Variants in TMOD1 observed in about 807,000 individuals in gnomAD.
The protein encoded by TMOD1 is tropomodulin 1.
Under a neutral mutation model 40.6 loss-of-function variants are expected in TMOD1, and 17 were observed. The observed-to-expected ratio is 0.42, with a 90% CI of 0.29 to 0.63. The LOEUF is 0.63. Ranked by LOEUF, TMOD1 falls within the 20% of genes least tolerant of loss-of-function variation. The pLI is 0.22. For missense variants in TMOD1, 391 were observed against 447.6 expected (o/e 0.87, Z 1.14); for synonymous variants, 181 against 175.0 (o/e 1.03, Z -0.27).
intron 2 of TMOD1, among the ~76,000 whole-genome samples, chr9:97,531,033 A>ACCCCCCCCCCCCCCCCCCCCC (rs202030181): frequency 5.1e-5 from 4 of 78,256 alleles, no homozygotes; most frequent in South Asian, 4.6e-4. Flanking sequence ...GGTGATCCAC[A>ACCCCCCCCCCCCCCCCCCCCC]CCCACCCCCC....
chr9:97,529,577 TG>T (rs1404355414), intron 2 of TMOD1, among the ~76,000 whole-genome samples: 1 of 152,018 alleles, frequency 6.6e-6, no homozygotes, highest in African/African-American at 2.4e-5. Context: ...TCTCTCTCTC[TG>T]GAAAAACTCG....
chr9:97,522,110 T>A (rs1020182140), intron 1 of TMOD1, among the ~76,000 whole-genome samples: 1 of 152,200 alleles, frequency 6.6e-6, no homozygotes, highest in African/African-American at 2.4e-5. Context: ...ATCTGTTACA[T>A]AAGTTTGCCT....
At chr9:97,596,662 G>A (rs887898551) in intron 9 of TMOD1, among the ~76,000 whole-genome samples, 8 of 152,164 alleles carry the variant, frequency 5.3e-5, no homozygotes, top group Admixed American at 4.6e-4. Context: ...TCAGGAGGTC[G>A]TCTCTTGACA....
intron 4 of TMOD1, chr9:97,555,423 C>T: frequency 7.2e-7 from 1 of 1,388,546 alleles, no homozygotes; most frequent in Non-Finnish European, 9.3e-7. Flanking sequence ...ACTGCCGGCG[C>T]CTGCGGTTCC....
rs745764783 is a variant in TMOD1, at chr9:97,564,187, A to T, written c.618+19A>T. 2 of 1,570,038 alleles carry T rather than the reference A, an allele frequency of 1.3e-6. No homozygotes were observed. The highest frequency in any genetic ancestry group is 1.7e-6 in the Non-Finnish European group (2 of 1,156,664). On this transcript the variant is annotated intron_variant, in intron 6 of 9. Transcript: ENST00000259365. Reference sequence around the variant, plus strand: ...TATCCGGGTAAGGTCCATTTATTTCACTTTACCTGTGTGTGGCTGGGGGAG... The same window carrying T: ...TATCCGGGTAAGGTCCATTTATTTCTCTTTACCTGTGTGTGGCTGGGGGAG...
chr9:97,589,726 C>T (rs1307386544), intron 8 of TMOD1, among the ~76,000 whole-genome samples: 1 of 152,110 alleles, frequency 6.6e-6, no homozygotes, highest in Non-Finnish European at 1.5e-5. Context: ...ATTATCCTGT[C>T]TAGACCCCCC....
chr9:97,563,593 C>T (rs889733394), intron 5 of TMOD1, among the ~76,000 whole-genome samples: 3 of 152,156 alleles, frequency 2.0e-5, no homozygotes, highest in African/African-American at 7.2e-5. Flanking sequence ...GCCTTAATTA[C>T]TCCACTGCAT....
intron 1 of TMOD1, among the ~76,000 whole-genome samples, chr9:97,522,345 T>C (rs534881650): frequency 4.6e-5 from 7 of 152,282 alleles, no homozygotes; most frequent in Admixed American, 1.3e-4. Flanking sequence ...TAGTGTGCTA[T>C]ATCTGTGTCC....
intron 4 of TMOD1, chr9:97,555,588 C>T (rs924104757): frequency 1.3e-6 from 2 of 1,547,914 alleles, no homozygotes; most frequent in East Asian, 2.4e-5. Context: ...TGTAAGTCTA[C>T]ACCAGTGTTA....
At chr9:97,571,603 T>A (rs1203400891) in intron 8 of TMOD1, among the ~76,000 whole-genome samples, 1 of 152,224 alleles carries the variant, frequency 6.6e-6, no homozygotes, top group Non-Finnish European at 1.5e-5. Flanking sequence ...TCACAAAGAC[T>A]CTGTAAGTGG....
At chr9:97,577,822 A>G (rs911452797) in intron 8 of TMOD1, among the ~76,000 whole-genome samples, 12 of 152,250 alleles carry the variant, frequency 7.9e-5, no homozygotes, top group Non-Finnish European at 1.5e-4. Flanking sequence ...AGTTTTCCTT[A>G]GATTGACAGG....
intron 5 of TMOD1, among the ~76,000 whole-genome samples, chr9:97,563,502 T>G (rs1243527538): frequency 6.6e-6 from 1 of 152,218 alleles, no homozygotes; most frequent in Non-Finnish European, 1.5e-5. Context: ...GGGCCTGCCT[T>G]TATCATCCAC....
At chr9:97,514,831 G>C (rs2131212915) in intron 1 of TMOD1, among the ~76,000 whole-genome samples, 1 of 152,370 alleles carries the variant, frequency 6.6e-6, no homozygotes, top group Middle Eastern at 3.4e-3. Context: ...GCCAGGACCA[G>C]GCCACTCACT....
intron 1 of TMOD1, among the ~76,000 whole-genome samples, chr9:97,518,016 T>A (rs1829844101): frequency 6.6e-6 from 1 of 152,064 alleles, no homozygotes; most frequent in Non-Finnish European, 1.5e-5. Flanking sequence ...CCCATTCTCA[T>A]CCCCCATCGC....
chr9:97,596,969 CTG>C (rs1484369969), intron 9 of TMOD1, among the ~76,000 whole-genome samples: 7 of 152,230 alleles, frequency 4.6e-5, no homozygotes, highest in Admixed American at 2.0e-4. Context: ...TCCTGTTATA[CTG>C]TGTCTTTACT....
At chr9:97,559,823 A>ATATATATATG (rs1830607598) in intron 4 of TMOD1, among the ~76,000 whole-genome samples, 1 of 63,290 alleles carries the variant, frequency 1.6e-5, no homozygotes, top group African/African-American at 6.2e-5. Flanking sequence ...ATATATATAT[A>ATATATATATG]TGTCTATCTA....
At chr9:97,591,461 T>G (rs1825999556) in intron 9 of TMOD1, 26 bp downstream of exon 9, 1 of 1,610,214 alleles carries the variant, frequency 6.2e-7, no homozygotes, top group Non-Finnish European at 8.5e-7. Flanking sequence ...CTTCCTGCCC[T>G]GCCCGCAGTC....
chr9:97,510,789 T>C (rs1829684018), intron 1 of TMOD1, among the ~76,000 whole-genome samples: 1 of 152,058 alleles, frequency 6.6e-6, no homozygotes, highest in African/African-American at 2.4e-5. Flanking sequence ...TGTACTACAA[T>C]CGTTAGCTTC....
chr9:97,587,730 T>C, intron 8 of TMOD1, among the ~76,000 whole-genome samples: 1 of 152,190 alleles, frequency 6.6e-6, no homozygotes, highest in South Asian at 2.1e-4. Flanking sequence ...AGAAACTCTG[T>C]ACCCATTAGC....
Sources: gnomAD v4.1 joint callset for allele counts (sites outside exome capture counted in the v4.1 genomes callset) on GRCh38, gnomAD v4.1.1 for gene constraint, MANE v1.5 for transcripts, NCBI Gene and HGNC (gene_info 2026-07-23, HGNC 2026-07-21) for gene names.